Variants in RCL1 observed in about 807,000 individuals in gnomAD.
RCL1 encodes the protein RNA terminal phosphate cyclase like 1.
A neutral mutation model predicts 42.4 loss-of-function variants in RCL1; 24 were observed. The ratio of observed to expected loss-of-function variants is 0.57; its 90% CI spans 0.41 to 0.80. The LOEUF is 0.80. RCL1 is among the 30% of genes least tolerant of loss of function. The pLI is 0.00. For missense variants in RCL1, 578 were observed against 467.9 expected (o/e 1.24, Z -2.17); for synonymous variants, 228 against 177.3 (o/e 1.29, Z -2.27).
intron 1 of RCL1, among the ~76,000 whole-genome samples, chr9:4,808,238 T>C (rs987921840): frequency 6.6e-6 from 1 of 152,198 alleles, no homozygotes; most frequent in Non-Finnish European, 1.5e-5. Flanking sequence ...TTAGGATTGC[T>C]AACATCCTCT....
chr9:4,844,411 A>G (rs770831241), intron 6 of RCL1, 114 bp from the exon 7 acceptor site: 2 of 732,638 alleles, frequency 2.7e-6, no homozygotes, highest in Non-Finnish European at 4.5e-6. Flanking sequence ...GCCAGAAAGA[A>G]GCCTTTGAAC....
chr9:4,854,527 C>G (rs1034919667), intron 8 of RCL1, among the ~76,000 whole-genome samples: 117 of 152,280 alleles, frequency 7.7e-4, no homozygotes, highest in African/African-American at 2.5e-3. Flanking sequence ...GCAGGACCCT[C>G]TGTTGTGGTT....
chr9:4,849,056 C>G (rs964930969), intron 7 of RCL1, among the ~76,000 whole-genome samples: 1 of 151,384 alleles, frequency 6.6e-6, no homozygotes, highest in Non-Finnish European at 1.5e-5. Context: ...CCACTTAACC[C>G]TTGGAATTAA....
At chr9:4,834,603 A>C (rs1235254830) in intron 5 of RCL1, among the ~76,000 whole-genome samples, 1 of 151,692 alleles carries the variant, frequency 6.6e-6, no homozygotes, top group Non-Finnish European at 1.5e-5. Context: ...AGACGTCATC[A>C]TTCGGTGAAG....
At chr9:4,794,107 G>GA (rs1413440793) in intron 1 of RCL1, among the ~76,000 whole-genome samples, 3 of 152,182 alleles carry the variant, frequency 2.0e-5, no homozygotes, top group Admixed American at 6.5e-5. Flanking sequence ...GGTGAAAAAG[G>GA]AAAAAACCTG....
At chr9:4,797,775 G>A (rs935802985) in intron 1 of RCL1, among the ~76,000 whole-genome samples, 1 of 152,086 alleles carries the variant, frequency 6.6e-6, no homozygotes, top group East Asian at 1.9e-4. Context: ...AAACAAATGA[G>A]ACACAGATCA....
At position 4,841,187 on chromosome 9, in the gene RCL1, G is replaced by C. The variant is rs1030623835; in HGVS notation, c.585-45G>C. 3 of 1,612,008 alleles carry C rather than the reference G, an allele frequency of 1.9e-6. No individual in the cohort carries two copies. In the African/African-American group the frequency reaches 4.0e-5, roughly 22 times the overall value. On this transcript the variant is annotated intron_variant, in intron 5 of 8. Transcript: ENST00000381750. Reference sequence around the variant, plus strand: ...CCAGCTTTATAACTGATTTTTCTCTGTCCTGGAATTCAAGCAGAATGACAT... The same window carrying C: ...CCAGCTTTATAACTGATTTTTCTCTCTCCTGGAATTCAAGCAGAATGACAT...
intron 2 of RCL1, among the ~76,000 whole-genome samples, chr9:4,825,276 C>T (rs755842238): frequency 7.2e-5 from 11 of 152,112 alleles, no homozygotes; most frequent in Non-Finnish European, 1.3e-4. Flanking sequence ...TTTAATTTTC[C>T]GCATCAGAGT....
In RCL1 at chr9:4,846,655, G is replaced by A. The variant is rs370249508; in HGVS notation, c.867+1974G>A. On this transcript the variant is annotated intron_variant, in intron 7 of 8. Coordinates refer to ENST00000381750, the MANE Select transcript of RCL1 (RefSeq NM_005772.5). ...TTTCCTGGTCCTGTAGTGTCTGGCC[G>A]TGGCTGGTCCTGTAGTGGCCTTCTC... Among the ~76,000 whole-genome samples, 76 of 152,216 alleles carry A rather than the reference G, an allele frequency of 5.0e-4. 2 individuals are homozygous for A. In the East Asian group the frequency reaches 6.8e-3, roughly 14 times the overall value.
chr9:4,812,864 T>G (rs1033605824), intron 1 of RCL1, among the ~76,000 whole-genome samples: 3 of 152,200 alleles, frequency 2.0e-5, no homozygotes, highest in African/African-American at 7.2e-5. Flanking sequence ...TGATTTCTTT[T>G]TCTGCTAATT....
At chr9:4,853,362 G>A (rs1478511648) in intron 8 of RCL1, among the ~76,000 whole-genome samples, 1 of 143,984 alleles carries the variant, frequency 6.9e-6, no homozygotes, top group East Asian at 2.0e-4. Flanking sequence ...CTCCTCTGTC[G>A]CCCAGGCTGA....
chr9:4,831,537 C>T (rs1413168514), intron 3 of RCL1, among the ~76,000 whole-genome samples: 1 of 152,154 alleles, frequency 6.6e-6, no homozygotes, highest in East Asian at 1.9e-4. Context: ...AGTGCAGTGG[C>T]ATGATCGTGG....
At chr9:4,812,448 G>C (rs1486166430) in intron 1 of RCL1, among the ~76,000 whole-genome samples, 1 of 152,008 alleles carries the variant, frequency 6.6e-6, no homozygotes, top group African/African-American at 2.4e-5. Context: ...TTTAGAAATA[G>C]AGACGAGGTT....
At chr9:4,815,688 C>T (rs1173245222) in intron 1 of RCL1, among the ~76,000 whole-genome samples, 2 of 151,952 alleles carry the variant, frequency 1.3e-5, no homozygotes, top group African/African-American at 2.4e-5. Context: ...ACACTCCAGC[C>T]ATAGTTCTAA....
rs1374186381 is a variant in RCL1, at chr9:4,801,305, G to A, written c.136+8078G>A. 2.0e-5 allele frequency among the ~76,000 whole-genome samples: 3 copies of A among 152,150 alleles called. No homozygotes were observed. In the East Asian group the frequency reaches 5.8e-4, roughly 29 times the overall value. On this transcript the variant is annotated intron_variant, in intron 1 of 8. Coordinates refer to ENST00000381750, the MANE Select transcript of RCL1 (RefSeq NM_005772.5). Reference sequence around the variant, plus strand: ...TTTCATCTCAGCCTCCCGAGTAGCTGGGACTACAGGCACATACCATCATGC... The same window carrying A: ...TTTCATCTCAGCCTCCCGAGTAGCTAGGACTACAGGCACATACCATCATGC...
In RCL1 at chr9:4,849,483, C is replaced by A. The variant is rs954344139; in HGVS notation, c.904C>A (p.Leu302Ile). The A allele has an allele frequency of 6.2e-7, 1 of 1,613,952 alleles. No individual in the cohort carries two copies. Among genetic ancestry groups the A allele is most frequent in the African/African-American group, 1.3e-5 (1 of 74,888 alleles). The change falls in exon 8 of 9, where the codon CTA (leucine) becomes ATA (isoleucine). Residue 302 changes from leucine to isoleucine, a missense_variant. By Grantham distance (5) the Leu-to-Ile change is conservative. Coordinates refer to ENST00000381750, the MANE Select transcript of RCL1 (RefSeq NM_005772.5). ...CVDSTNQSLA[L>I]LLMTLGQQDV... is the part of the protein sequence containing the mutation. Reference sequence around the variant, plus strand: ...AGACTCGACCAACCAAAGCCTGGCGCTACTACTCATGACCCTTGGACAGCA... The same window carrying A: ...AGACTCGACCAACCAAAGCCTGGCGATACTACTCATGACCCTTGGACAGCA...
intron 1 of RCL1, among the ~76,000 whole-genome samples, chr9:4,806,118 G>GTT (rs143811906): frequency 2.0e-5 from 3 of 148,342 alleles, no homozygotes; most frequent in African/African-American, 7.5e-5. Flanking sequence ...TATTTAGGAG[G>GTT]TTTTTTTTTC....
intron 1 of RCL1, among the ~76,000 whole-genome samples, chr9:4,800,149 G>A (rs1014659245): frequency 1.3e-5 from 2 of 151,892 alleles, no homozygotes; most frequent in African/African-American, 2.4e-5. Flanking sequence ...AAACATGTAG[G>A]TTGTTTCCAG....
chr9:4,847,698 C>G (rs900572589), intron 7 of RCL1, among the ~76,000 whole-genome samples: 15 of 152,240 alleles, frequency 9.9e-5, no homozygotes, highest in Non-Finnish European at 1.9e-4. Flanking sequence ...TTCTCACTTT[C>G]CTGGGACAAA....
Sources: gnomAD v4.1 joint callset for allele counts (sites outside exome capture counted in the v4.1 genomes callset) on GRCh38, gnomAD v4.1.1 for gene constraint, MANE v1.5 for transcripts, NCBI Gene and HGNC (gene_info 2026-07-23, HGNC 2026-07-21) for gene names.